Variants in NALCN observed in about 807,000 individuals in gnomAD.
NALCN encodes sodium leak channel NALCN.
NALCN carries 111 observed loss-of-function variants against 225.3 expected under a neutral mutation model. That is an observed-to-expected ratio of 0.49 (90% CI 0.42 to 0.58). The LOEUF (loss-of-function observed/expected upper bound fraction) is 0.58. Among genes scored for constraint, NALCN ranks in the 20% least tolerant of loss-of-function variants. NALCN has a pLI of 0.00. For synonymous variants in NALCN, 764 were observed against 769.0 expected (o/e 0.99, Z 0.11); for missense variants, 1,378 against 2,202.4 (o/e 0.63, Z 7.49).
chr13:101,104,184 G>A lies in NALCN; in HGVS notation c.2889+111C>T, dbSNP rs1241563987. On this transcript the variant is annotated intron_variant, in intron 25 of 43. Transcript: ENST00000251127. The surrounding 1 kb of genome is among the most constrained non-coding windows in gnomAD (Gnocchi z 4.2). The stretch of plus-strand genomic sequence containing the variant: ...ACTCTAGAGTCCATTTAAGAATTCG[G>A]TTAGGGAATCTAAGCCTCTGTAACT... The A allele has an allele frequency of 7.6e-6, 10 of 1,321,554 alleles. No homozygotes were observed. The highest frequency in any genetic ancestry group is 4.4e-5 in the African/African-American group (3 of 67,470). 81.9% of individuals were successfully genotyped at this position (1,321,554 alleles called of 1,614,324 possible).
At chr13:101,369,102 G>A in intron 6 of NALCN, 1 of 253,040 alleles carries the variant, frequency 4.0e-6, no homozygotes, top group Non-Finnish European at 8.1e-6. Flanking sequence ...ACTACCATGT[G>A]GCTAGTTAAG....
chr13:101,179,452 T>C (rs183053435), intron 14 of NALCN, among the ~76,000 whole-genome samples: 111 of 152,358 alleles, frequency 7.3e-4, no homozygotes, highest in African/African-American at 2.2e-3. Context: ...TTGAATTTGG[T>C]GCACAATCCC....
chr13:101,260,884 C>G (rs2042402229), intron 10 of NALCN, among the ~76,000 whole-genome samples: 1 of 151,920 alleles, frequency 6.6e-6, no homozygotes, highest in Admixed American at 6.6e-5. Context: ...TGATGTAATC[C>G]CATTTGTCCA....
intron 13 of NALCN, among the ~76,000 whole-genome samples, chr13:101,202,231 T>G (rs1351331273): frequency 6.6e-6 from 1 of 152,222 alleles, no homozygotes; most frequent in East Asian, 1.9e-4. Flanking sequence ...TCGTACCTAA[T>G]GTTGGGGTTA....
chr13:101,056,077 A>T (rs2031205576), intron 43 of NALCN, among the ~76,000 whole-genome samples: 1 of 152,088 alleles, frequency 6.6e-6, no homozygotes, highest in Non-Finnish European at 1.5e-5. Context: ...GTTACATGAG[A>T]TGACTTAGGA....
chr13:101,207,856 A>T (rs1228108014), intron 13 of NALCN, among the ~76,000 whole-genome samples: 1 of 152,204 alleles, frequency 6.6e-6, no homozygotes, highest in African/African-American at 2.4e-5. Context: ...TTTGCAATAC[A>T]TCTTGCTGCT....
intron 13 of NALCN, among the ~76,000 whole-genome samples, chr13:101,193,432 T>C (rs560413656): frequency 5.3e-5 from 8 of 152,178 alleles, no homozygotes; most frequent in Non-Finnish European, 7.3e-5. Context: ...TGGACCTATT[T>C]GAAAAAGGAG....
At chr13:101,375,507 C>T (rs1309821866) in intron 6 of NALCN, among the ~76,000 whole-genome samples, 1 of 152,130 alleles carries the variant, frequency 6.6e-6, no homozygotes. Context: ...CTGCAGAAAA[C>T]ACAACATAAC....
chr13:101,152,433 T>C (rs1345249919), intron 15 of NALCN, among the ~76,000 whole-genome samples: 2 of 152,150 alleles, frequency 1.3e-5, no homozygotes, highest in East Asian at 3.9e-4. Flanking sequence ...ACTTATGATA[T>C]CCCTGAAGTG....
intron 7 of NALCN, among the ~76,000 whole-genome samples, chr13:101,312,116 C>T (rs986788889): frequency 1.3e-5 from 2 of 152,152 alleles, no homozygotes; most frequent in Non-Finnish European, 2.9e-5. Flanking sequence ...GGAATTTATC[C>T]ATTTCTTCTA....
intron 37 of NALCN, 141 bp downstream of exon 37, chr13:101,073,443 A>G: frequency 9.7e-6 from 6 of 618,170 alleles, no homozygotes; most frequent in Non-Finnish European, 1.6e-5. Flanking sequence ...ATAATAATGC[A>G]ATTTTATGGA....
intron 7 of NALCN, among the ~76,000 whole-genome samples, chr13:101,322,525 T>C (rs1407773151): frequency 1.3e-5 from 2 of 152,198 alleles, no homozygotes; most frequent in Non-Finnish European, 2.9e-5. Flanking sequence ...AAAGAAATCA[T>C]CTGGTTAACG....
chr13:101,306,638 C>T (rs188769010), intron 7 of NALCN, among the ~76,000 whole-genome samples: 2 of 152,316 alleles, frequency 1.3e-5, no homozygotes, highest in Admixed American at 6.5e-5. Context: ...GCATCCCAAA[C>T]GTTAGAATAT....
At chr13:101,187,587 A>G (rs1271194267) in intron 14 of NALCN, among the ~76,000 whole-genome samples, 1 of 152,186 alleles carries the variant, frequency 6.6e-6, no homozygotes, top group African/African-American at 2.4e-5. Flanking sequence ...AAAGCAAACA[A>G]TTGAGTCACA....
intron 17 of NALCN, among the ~76,000 whole-genome samples, chr13:101,138,761 GT>G (rs2036925212): frequency 6.6e-6 from 1 of 152,192 alleles, no homozygotes; most frequent in Admixed American, 6.5e-5. Context: ...TTATTACAGG[GT>G]TACTGGAAAG....
chr13:101,221,450 C>T (rs2040936763), intron 13 of NALCN, among the ~76,000 whole-genome samples: 1 of 152,092 alleles, frequency 6.6e-6, no homozygotes, highest in African/African-American at 2.4e-5. Flanking sequence ...CTACATCCCT[C>T]CTCTCAAAAC....
At chr13:101,163,322 A>T (rs1419548771) in intron 15 of NALCN, among the ~76,000 whole-genome samples, 1 of 152,122 alleles carries the variant, frequency 6.6e-6, no homozygotes. Flanking sequence ...ACCATTGTAG[A>T]CTCGAGTGGA....
intron 7 of NALCN, among the ~76,000 whole-genome samples, chr13:101,341,408 A>G (rs537567640): frequency 2.0e-5 from 3 of 152,124 alleles, no homozygotes; most frequent in Non-Finnish European, 4.4e-5. Flanking sequence ...ACCTCCTTAT[A>G]GCTAACTTGA....
chr13:101,090,143 T>C (rs2034152043), intron 28 of NALCN, among the ~76,000 whole-genome samples, 177 bp from the exon 29 acceptor site: 1 of 152,160 alleles, frequency 6.6e-6, no homozygotes, highest in African/African-American at 2.4e-5. Flanking sequence ...TGTATATGTA[T>C]ACACACACAT....
Sources: gnomAD v4.1 joint callset for allele counts (sites outside exome capture counted in the v4.1 genomes callset) on GRCh38, gnomAD v4.1.1 for gene constraint, Gnocchi (gnomAD v3.1) non-coding constraint, MANE v1.5 for transcripts, NCBI Gene and HGNC (gene_info 2026-07-23, HGNC 2026-07-21) for gene names.